Variants in ADGRL3 observed in about 807,000 individuals in gnomAD.
ADGRL3 encodes calcium-independent alpha-latrotoxin receptor 3.
Under a neutral mutation model 153.5 loss-of-function variants are expected in ADGRL3, and 62 were observed. That is an observed-to-expected ratio of 0.40 (90% confidence interval 0.33 to 0.50). ADGRL3 has a LOEUF of 0.50. Ranked by LOEUF, ADGRL3 falls within the 20% of genes least tolerant of loss-of-function variation. The pLI, the probability that ADGRL3 is intolerant of heterozygous loss-of-function variation, is 0.47. For synonymous variants in ADGRL3, 710 were observed against 672.5 expected, an observed-to-expected ratio of 1.06 and a Z score of -0.86; for missense variants, 1,641 against 1,859.4, an observed-to-expected ratio of 0.88 and a Z score of 2.16.
intron 4 of ADGRL3, among the ~76,000 whole-genome samples, chr4:61,522,337 C>A (rs1362374443): frequency 1.3e-5 from 2 of 152,114 alleles, no homozygotes; most frequent in African/African-American, 4.8e-5. Flanking sequence ...CTTGATTAAT[C>A]TCTTGCCTAA....
intron 8 of ADGRL3, among the ~76,000 whole-genome samples, chr4:61,742,644 G>A (rs1243151372): frequency 6.6e-6 from 1 of 152,116 alleles, no homozygotes; most frequent in African/African-American, 2.4e-5. Context: ...AATAGTATGA[G>A]TTTTTAAGCA....
chr4:61,292,347 A>T (rs187827601), intron 1 of ADGRL3, among the ~76,000 whole-genome samples: 8 of 152,260 alleles, frequency 5.3e-5, no homozygotes, highest in Admixed American at 1.3e-4. Context: ...AATGAGTATA[A>T]TAACAAAACA....
At chr4:61,589,119 G>A (rs773412953) in intron 5 of ADGRL3, among the ~76,000 whole-genome samples, 10 of 151,988 alleles carry the variant, frequency 6.6e-5, no homozygotes, top group Non-Finnish European at 1.0e-4. Context: ...TATGGGATGC[G>A]TACACTAAGT....
chr4:62,022,822 C>G (rs1477791369), intron 21 of ADGRL3, among the ~76,000 whole-genome samples: 3 of 151,826 alleles, frequency 2.0e-5, no homozygotes, highest in Non-Finnish European at 4.4e-5. Context: ...CAAAATATTA[C>G]TGATCCCTGA....
intron 4 of ADGRL3, among the ~76,000 whole-genome samples, chr4:61,519,650 A>G (rs2098518004): frequency 6.6e-6 from 1 of 152,174 alleles, no homozygotes; most frequent in African/African-American, 2.4e-5. Flanking sequence ...ATATACAGCT[A>G]GAATGCTTGG....
intron 8 of ADGRL3, among the ~76,000 whole-genome samples, chr4:61,789,993 A>T (rs1403450628): frequency 6.6e-6 from 1 of 152,206 alleles, no homozygotes; most frequent in Non-Finnish European, 1.5e-5. Context: ...ATTCTACCTA[A>T]ATGAGAGTGT....
intron 1 of ADGRL3, among the ~76,000 whole-genome samples, chr4:61,262,741 C>T (rs893298314): frequency 7.9e-5 from 12 of 152,056 alleles, no homozygotes; most frequent in African/African-American, 2.9e-4. Context: ...TAATTTTGTT[C>T]TACTTTATAC....
At chr4:62,036,433 T>G (rs1725038272) in intron 23 of ADGRL3, among the ~76,000 whole-genome samples, 1 of 151,978 alleles carries the variant, frequency 6.6e-6, no homozygotes, top group Non-Finnish European at 1.5e-5. Flanking sequence ...CCTGACCCTA[T>G]CTCTATCATT....
intron 1 of ADGRL3, among the ~76,000 whole-genome samples, chr4:61,370,298 T>C (rs2096494457): frequency 6.6e-6 from 1 of 151,560 alleles, no homozygotes. Context: ...CTCTTGTTTT[T>C]CTAGTTCTTT....
chr4:62,076,135 A>G lies in ADGRL3; in HGVS notation c.*5227A>G, dbSNP rs1334489053. 6.6e-5 allele frequency: 10 copies of G among 152,038 alleles called. No homozygotes were observed. The highest frequency in any genetic ancestry group is 1.5e-4 in the Non-Finnish European group (10 of 67,964). 9.4% of individuals were successfully genotyped at this position (152,038 alleles called of 1,614,324 possible). The stretch of plus-strand genomic sequence containing the variant: ...AGTTAATATAGTTTCGCATAATCTC[A>G]TTGAAAGATATTGCTATTCCTTCTT... On this transcript the variant is annotated 3_prime_UTR_variant, in exon 27 of 27. Transcript: ENST00000683033.
intron 4 of ADGRL3, among the ~76,000 whole-genome samples, chr4:61,559,088 G>A (rs1157881128): frequency 5.9e-5 from 9 of 151,912 alleles, no homozygotes. Flanking sequence ...CCATATTGCA[G>A]GATGATAATT....
intron 1 of ADGRL3, among the ~76,000 whole-genome samples, chr4:61,207,173 A>G (rs1157077738): frequency 6.6e-6 from 1 of 151,808 alleles, no homozygotes; most frequent in Admixed American, 6.6e-5. Flanking sequence ...TACATTAGGT[A>G]TTTCTCCTAA....
chr4:61,251,568 G>C (rs1011012269), intron 1 of ADGRL3, among the ~76,000 whole-genome samples: 2 of 152,130 alleles, frequency 1.3e-5, no homozygotes, highest in Non-Finnish European at 1.5e-5. Flanking sequence ...GCAACTTGTG[G>C]TTATCGCCAA....
chr4:61,609,001 C>A (rs1322235602), intron 5 of ADGRL3, among the ~76,000 whole-genome samples: 2 of 151,822 alleles, frequency 1.3e-5, no homozygotes, highest in Non-Finnish European at 2.9e-5. Flanking sequence ...TAAAAATTGT[C>A]TTTTTTTTCT....
intron 4 of ADGRL3, among the ~76,000 whole-genome samples, chr4:61,543,410 G>A (rs948370892): frequency 6.6e-6 from 1 of 152,118 alleles, no homozygotes; most frequent in Non-Finnish European, 1.5e-5. Flanking sequence ...ATGAAGGAAA[G>A]GAGCTTCTAA....
intron 9 of ADGRL3, among the ~76,000 whole-genome samples, chr4:61,882,129 C>T (rs7681910): frequency 0.17 from 25,601 of 152,116 alleles, 2,319 homozygotes; most frequent in Non-Finnish European, 0.2. Flanking sequence ...TTAACATTTT[C>T]GTACTGTTCG....
intron 1 of ADGRL3, among the ~76,000 whole-genome samples, chr4:61,298,158 T>A (rs536792491): frequency 6.6e-6 from 1 of 152,186 alleles, no homozygotes; most frequent in Non-Finnish European, 1.5e-5. Context: ...ATGTTTTAAT[T>A]ATCAAATATT....
intron 25 of ADGRL3, among the ~76,000 whole-genome samples, chr4:62,066,831 G>A (rs1161057915): frequency 6.6e-6 from 1 of 152,076 alleles, no homozygotes; most frequent in African/African-American, 2.4e-5. Context: ...GGAGATTGCA[G>A]CAGACAGAAT....
At chr4:61,414,012 A>G (rs1256775410) in intron 2 of ADGRL3, among the ~76,000 whole-genome samples, 2 of 152,180 alleles carry the variant, frequency 1.3e-5, no homozygotes, top group Non-Finnish European at 2.9e-5. Flanking sequence ...TAATTTTTCT[A>G]TAGTCATTGT....
Sources: allele counts gnomAD v4.1 joint callset (sites outside exome capture counted in the v4.1 genomes callset), GRCh38; gene constraint gnomAD v4.1.1; transcripts MANE v1.5; gene names NCBI Gene and HGNC (gene_info 2026-07-23, HGNC 2026-07-21).